The following POR variants were observed in gnomAD, a reference collection of about 807,000 sequenced individuals.
The protein encoded by POR is cytochrome p450 oxidoreductase.
POR carries 56 observed loss-of-function variants against 84.0 expected under a neutral mutation model. That is an observed-to-expected ratio of 0.67 (90% CI 0.54 to 0.83). The LOEUF is 0.83. Among genes scored for constraint, POR ranks in the 40% least tolerant of loss-of-function variants. The pLI, the probability that POR is intolerant of heterozygous loss-of-function variation, is 0.00. For missense variants in POR, 938 were observed against 944.3 expected, an observed-to-expected ratio of 0.99 and a Z score of 0.09; for synonymous variants, 414 against 400.5, an observed-to-expected ratio of 1.03 and a Z score of -0.40.
At chr7:75,930,995 T>A (rs543048931) in intron 1 of POR, among the ~76,000 whole-genome samples, 4 of 151,998 alleles carry the variant, frequency 2.6e-5, no homozygotes, top group Admixed American at 6.6e-5. Context: ...ACTAATTTTT[T>A]AATTTTCTGT....
chr7:75,962,041 A>T (rs1286147141), intron 2 of POR, among the ~76,000 whole-genome samples: 1 of 152,122 alleles, frequency 6.6e-6, no homozygotes, highest in Non-Finnish European at 1.5e-5. Flanking sequence ...AACTTCAAGT[A>T]TTCTCCTTTC....
At chr7:75,952,762 A>G (rs1787501710) in intron 1 of POR, among the ~76,000 whole-genome samples, 1 of 135,150 alleles carries the variant, frequency 7.4e-6, no homozygotes, top group Non-Finnish European at 1.6e-5. Context: ...CCTAGATGGG[A>G]TGGCGGTGGA....
At chr7:75,943,879 C>T (rs1787063236) in intron 1 of POR, 1 of 506,554 alleles carries the variant, frequency 2.0e-6, no homozygotes, top group Non-Finnish European at 3.9e-6. Context: ...GGCTGCGCGT[C>T]TCCTGTGGCT....
intron 1 of POR, among the ~76,000 whole-genome samples, chr7:75,936,290 T>G (rs780607256): frequency 2.5e-4 from 37 of 149,274 alleles, no homozygotes; most frequent in Non-Finnish European, 4.2e-4. Flanking sequence ...TTTTTTGAGA[T>G]GGAGGGGGTG....
At chr7:75,978,335 C>A (rs1195413025) in intron 3 of POR, among the ~76,000 whole-genome samples, 1 of 152,178 alleles carries the variant, frequency 6.6e-6, no homozygotes, top group Admixed American at 6.5e-5. Flanking sequence ...CTGTCCTGAA[C>A]ACATACTGTC....
chr7:75,938,561 C>G (rs1490111757), intron 1 of POR, among the ~76,000 whole-genome samples: 1 of 152,048 alleles, frequency 6.6e-6, no homozygotes, highest in Admixed American at 6.6e-5. Context: ...AGTTTGAGAC[C>G]AGCCTGGGCA....
At chr7:75,928,301 G>A (rs868966527) in intron 1 of POR, among the ~76,000 whole-genome samples, 99 of 152,080 alleles carry the variant, frequency 6.5e-4, no homozygotes, top group African/African-American at 2.3e-3. Context: ...AGGTTTATAG[G>A]TCATGAGTTC....
In POR at chr7:75,966,542, G is replaced by A. The variant is rs538525375; in HGVS notation, c.189-5871G>A. On this transcript the variant is annotated intron_variant, in intron 2 of 15. Coordinates refer to ENST00000461988, the MANE Select transcript of POR (RefSeq NM_000941.3). The stretch of plus-strand genomic sequence containing the variant: ...CTCGCCGTGGGCACCCATGACCCTG[G>A]AGCCTGGAGAACTTGGCAGTAGACG... Among the ~76,000 whole-genome samples, 26 of 152,260 alleles carry A rather than the reference G, an allele frequency of 1.7e-4. 1 individual carries two copies. The South Asian group carries it at 5.4e-3, about 32-fold the overall frequency.
At chr7:75,943,103 C>T (rs1787016211) in intron 1 of POR, among the ~76,000 whole-genome samples, 1 of 151,928 alleles carries the variant, frequency 6.6e-6, no homozygotes, top group African/African-American at 2.4e-5. Flanking sequence ...AGGCACGTGG[C>T]ACCACACCCA....
Position 75,930,164 on chromosome 7 carries a change from G to A in POR, c.-5+14985G>A, listed in dbSNP as rs782071095. Among the ~76,000 whole-genome samples, 24 of 152,192 alleles carry A rather than the reference G, an allele frequency of 1.6e-4. 1 individual carries two copies. Among genetic ancestry groups the A allele is most frequent in the Non-Finnish European group, 3.1e-4 (21 of 68,032 alleles). On this transcript the variant is annotated intron_variant, in intron 1 of 15. Coordinates refer to ENST00000461988, the MANE Select transcript of POR (RefSeq NM_000941.3). The stretch of plus-strand genomic sequence containing the variant: ...GGTGCCTAGCCAGGGTGCTTGGCAC[G>A]TAGTAGGTGTTGAGTGAACGTTGGT...
At chr7:75,978,823 G>C (rs1314625828) in intron 3 of POR, among the ~76,000 whole-genome samples, 9 of 149,346 alleles carry the variant, frequency 6.0e-5, no homozygotes, top group African/African-American at 2.2e-4. Flanking sequence ...TGGAGGTGGA[G>C]TCTTGCTCTG....
intron 1 of POR, among the ~76,000 whole-genome samples, chr7:75,948,494 G>C (rs558206382): frequency 6.6e-6 from 1 of 152,092 alleles, no homozygotes; most frequent in East Asian, 1.9e-4. Context: ...GGTCCTGACT[G>C]TGAACTCCGG....
At chr7:75,935,220 C>T (rs1554550644) in intron 1 of POR, among the ~76,000 whole-genome samples, 1 of 151,968 alleles carries the variant, frequency 6.6e-6, no homozygotes, top group Non-Finnish European at 1.5e-5. Context: ...TATTTGGGAG[C>T]TTTAAGATTT....
chr7:75,922,156 T>C (rs892710581), intron 1 of POR, among the ~76,000 whole-genome samples: 1 of 152,194 alleles, frequency 6.6e-6, no homozygotes, highest in Non-Finnish European at 1.5e-5. Flanking sequence ...GAACCTATCA[T>C]TTCTGCGAGT....
At chr7:75,944,636 C>G (rs1361125994) in intron 1 of POR, among the ~76,000 whole-genome samples, 1 of 99,182 alleles carries the variant, frequency 1.0e-5, no homozygotes, top group African/African-American at 8.0e-5. Context: ...AAACTCTCAA[C>G]TTGAATGAGA....
chr7:75,984,559 C>T (rs902665888), intron 10 of POR, among the ~76,000 whole-genome samples: 18 of 152,326 alleles, frequency 1.2e-4, no homozygotes, highest in South Asian at 4.1e-4. Context: ...CCTCCCCTAG[C>T]AGGGTCCTGC....
Position 75,978,794 on chromosome 7 carries a change from G to T in POR, c.238-657G>T, listed in dbSNP as rs543978205. ...CCGCCTTGGCCTCCCAAAGTGCTGG[G>T]ATTATAGGCGTGAGCCACTGGAGGT... On this transcript the variant is annotated intron_variant, in intron 3 of 15. Transcript: ENST00000461988. Among the ~76,000 whole-genome samples the T allele has an allele frequency of 9.9e-5, 15 of 151,640 alleles. No individual in the cohort carries two copies. In the South Asian group the frequency reaches 2.9e-3, roughly 29 times the overall value.
intron 2 of POR, among the ~76,000 whole-genome samples, chr7:75,956,159 C>T (rs977297940): frequency 6.6e-6 from 1 of 152,038 alleles, no homozygotes; most frequent in African/African-American, 2.4e-5. Flanking sequence ...ACTAGCTGGG[C>T]GTGGTGGTGC....
Position 75,982,318 on chromosome 7 carries a change from A to C in POR, c.826A>C (p.Lys276Gln), listed in dbSNP as rs1554558194. The C allele has an allele frequency of 2.5e-6, 4 of 1,610,864 alleles. 1 individual carries two copies. In the South Asian group the frequency reaches 4.4e-5, roughly 18 times the overall value. The change falls in exon 8 of 16, where the codon AAG (lysine) becomes CAG (glutamine). Residue 276 changes from lysine (K) to glutamine (Q), a missense_variant. Coordinates refer to ENST00000461988, the MANE Select transcript of POR (RefSeq NM_000941.3). Reference sequence around the variant, plus strand: ...CCGGCTGAAGAGCTACGAGAACCAGAAGCCGTGAGTGGAGGGAGCGTGGCT... The same window carrying C: ...CCGGCTGAAGAGCTACGAGAACCAGCAGCCGTGAGTGGAGGGAGCGTGGCT...
Sources: gnomAD v4.1 joint callset for allele counts (sites outside exome capture counted in the v4.1 genomes callset) on GRCh38, gnomAD v4.1.1 for gene constraint, MANE v1.5 for transcripts, NCBI Gene and HGNC (gene_info 2026-07-23, HGNC 2026-07-21) for gene names.